The following KLHL29 variants were observed in gnomAD, a reference collection of about 807,000 sequenced individuals.
KLHL29 encodes kelch-like protein 29.
A neutral mutation model predicts 80.4 loss-of-function variants in KLHL29; 21 were observed. That is an observed-to-expected ratio of 0.26 (90% CI 0.19 to 0.38). KLHL29 has a LOEUF of 0.38. Among genes scored for constraint, KLHL29 ranks in the 10% least tolerant of loss-of-function variants. The pLI is 1.00. For synonymous variants in KLHL29, 511 were observed against 526.8 expected (o/e 0.97, Z 0.41); for missense variants, 867 against 1,223.9 (o/e 0.71, Z 4.35).
chr2:23,618,272 A>G (rs1282089537), intron 3 of KLHL29, among the ~76,000 whole-genome samples: 1 of 152,194 alleles, frequency 6.6e-6, no homozygotes, highest in Non-Finnish European at 1.5e-5. Context: ...ATGGTGGGAC[A>G]GTGAATTTTA....
chr2:23,467,855 G>A (rs146910254), intron 1 of KLHL29, among the ~76,000 whole-genome samples: 21 of 152,130 alleles, frequency 1.4e-4, no homozygotes, highest in African/African-American at 5.1e-4. Flanking sequence ...TCTTGCACAC[G>A]TGATCAGCCC....
intron 3 of KLHL29, among the ~76,000 whole-genome samples, chr2:23,589,380 C>T (rs114210944): frequency 9.5e-4 from 144 of 152,348 alleles, no homozygotes; most frequent in African/African-American, 3.4e-3. Context: ...ATTAATAGGG[C>T]GGCCTGGGTG....
chr2:23,514,152 G>T (rs1331084569), intron 2 of KLHL29, among the ~76,000 whole-genome samples: 4 of 152,214 alleles, frequency 2.6e-5, no homozygotes, highest in East Asian at 1.9e-4. Flanking sequence ...CGTAGGCAGG[G>T]TTTGTAAGGG....
intron 3 of KLHL29, among the ~76,000 whole-genome samples, chr2:23,603,868 G>A (rs748274198): frequency 1.3e-5 from 2 of 152,224 alleles, no homozygotes; most frequent in Non-Finnish European, 2.9e-5. Context: ...CAGCTCTTAC[G>A]GGGTCCCCAC....
intron 2 of KLHL29, among the ~76,000 whole-genome samples, chr2:23,486,749 T>C (rs1664941042): frequency 6.6e-6 from 1 of 152,178 alleles, no homozygotes; most frequent in Non-Finnish European, 1.5e-5. Context: ...GGAGGGCAGC[T>C]CCCTGCTCAC....
rs1041569783 is a variant in KLHL29 at position 23,503,936 on chromosome 2, G to T, written c.-46+28269G>T. ...TTCCCTCCTCCACTAGGAGCCTCTG[G>T]TTCCAGCCCAGATGAACCCACTGGG... On this transcript the variant is annotated intron_variant, in intron 2 of 13. Coordinates refer to ENST00000486442, the MANE Select transcript of KLHL29 (RefSeq NM_052920.2). The surrounding 1 kb of genome is among the most constrained non-coding windows in gnomAD (Gnocchi z 4.0). Among the ~76,000 whole-genome samples, 7 of 152,148 alleles carry T rather than the reference G, an allele frequency of 4.6e-5. No homozygotes were observed. The highest frequency in any genetic ancestry group is 1.7e-4 in the African/African-American group (7 of 41,440).
chr2:23,684,607 C>T lies in KLHL29; in HGVS notation c.1079+70C>T. The T allele has an allele frequency of 7.2e-7, 1 of 1,385,610 alleles. No homozygotes were observed. The highest frequency in any genetic ancestry group is 9.6e-7 in the Non-Finnish European group (1 of 1,037,298). The allele number at this position is 1,385,610 out of a possible 1,614,324, so 85.8% of individuals were successfully genotyped here. A position where few individuals can be genotyped will look rare whatever the true frequency, so the allele number is the denominator to read the frequency against. ...ACGCTTTTGTGTCGCTTTTCTCTTC[C>T]CCTCTCTTGCAGGTTCCTGAAGCGT... On this transcript the variant is annotated intron_variant, in intron 6 of 13. Coordinates refer to ENST00000486442, the MANE Select transcript of KLHL29 (RefSeq NM_052920.2). The surrounding 1 kb of genome is among the most constrained non-coding windows in gnomAD (Gnocchi z 4.4).
chr2:23,485,276 C>G (rs1398446654), intron 2 of KLHL29, among the ~76,000 whole-genome samples: 2 of 152,226 alleles, frequency 1.3e-5, no homozygotes, highest in Non-Finnish European at 2.9e-5. Context: ...GGGACTGTCT[C>G]AGTCAGTGTG....
At position 23,562,249 on chromosome 2, in the gene KLHL29, G is replaced by A. The variant is rs773607284; in HGVS notation, c.53G>A (p.Arg18His). ...AGAGATTACCGGGTGGGCTGGGACC[G>A]CCGCGAATGGAGCGTCAACGGGACG... ...FERDYRVGWDRREWSVNGTHG... is the reference protein window; with the variant it reads ...FERDYRVGWDHREWSVNGTHG... Residue 18 changes from arginine to histidine, a missense_variant, in exon 3 of 14, where the codon CGC (arginine) becomes CAC (histidine). Physicochemically the swap from Arg to His is conservative, Grantham distance 29 (BLOSUM62 0). Coordinates refer to ENST00000486442, the MANE Select transcript of KLHL29 (RefSeq NM_052920.2). This position sits in a 1 kb window ranked among gnomAD's most constrained non-coding sequence, Gnocchi z 4.5. The A allele has an allele frequency of 5.0e-5, 77 of 1,550,318 alleles. No individual in the cohort carries two copies. The highest frequency in any genetic ancestry group is 1.7e-4 in the Middle Eastern group (1 of 5,988).
intron 3 of KLHL29, among the ~76,000 whole-genome samples, chr2:23,629,950 G>A (rs183437014): frequency 3.9e-5 from 6 of 152,314 alleles, no homozygotes; most frequent in East Asian, 1.9e-4. Context: ...GGGAGGAGGC[G>A]CTGGGAAGAG....
At chr2:23,499,854 G>T (rs967073798) in intron 2 of KLHL29, among the ~76,000 whole-genome samples, 2 of 152,236 alleles carry the variant, frequency 1.3e-5, no homozygotes, top group African/African-American at 4.8e-5. Context: ...TATTTGAGGC[G>T]CATTCTCTAG....
At chr2:23,638,870 C>T (rs12468808) in intron 3 of KLHL29, among the ~76,000 whole-genome samples, 14,412 of 152,138 alleles carry the variant, frequency 0.095, 1,681 homozygotes, top group East Asian at 0.45. Context: ...TGAGTGGCCA[C>T]GGAGGGTGAC....
chr2:23,695,392 T>C lies in KLHL29; in HGVS notation c.1543-231T>C, dbSNP rs553594641. Among the ~76,000 whole-genome samples, 1 of 152,218 alleles carries C rather than the reference T, an allele frequency of 6.6e-6. No individual in the cohort carries two copies. The highest frequency in any genetic ancestry group is 1.9e-4 in the East Asian group (1 of 5,170). On this transcript the variant is annotated intron_variant, in intron 8 of 13. Coordinates refer to ENST00000486442, the MANE Select transcript of KLHL29 (RefSeq NM_052920.2). The surrounding 1 kb of genome is among the most constrained non-coding windows in gnomAD (Gnocchi z 7.6). ...ATGCTCCCACTCCTGCAGGGCTGGC[T>C]GCAGCCTGCCAGCCTCCCCTCCGCA... is the stretch of plus-strand genomic sequence containing the variant.
At chr2:23,687,506 AACAC>A (rs1671319563) in intron 6 of KLHL29, among the ~76,000 whole-genome samples, 1 of 152,194 alleles carries the variant, frequency 6.6e-6, no homozygotes, top group Non-Finnish European at 1.5e-5. Flanking sequence ...TCACTCAGCA[AACAC>A]ACAGGAGCCC....
At chr2:23,585,101 A>G (rs1428730492) in intron 3 of KLHL29, among the ~76,000 whole-genome samples, 1 of 152,254 alleles carries the variant, frequency 6.6e-6, no homozygotes, top group Non-Finnish European at 1.5e-5. Context: ...CCCCAAGAGC[A>G]GGAAACGGCT....
intron 2 of KLHL29, among the ~76,000 whole-genome samples, chr2:23,493,521 A>T (rs1665166364): frequency 6.6e-6 from 1 of 152,242 alleles, no homozygotes; most frequent in South Asian, 2.1e-4. Flanking sequence ...TAAAGCAGTG[A>T]ATACATTTAT....
At chr2:23,540,684 G>C (rs1038085071) in intron 2 of KLHL29, among the ~76,000 whole-genome samples, 1 of 152,202 alleles carries the variant, frequency 6.6e-6, no homozygotes, top group Non-Finnish European at 1.5e-5. Context: ...TCTTGTAATG[G>C]AGAGGCACAA....
chr2:23,422,501 CTG>C (rs1662847273), intron 1 of KLHL29, among the ~76,000 whole-genome samples: 1 of 146,492 alleles, frequency 6.8e-6, no homozygotes, highest in South Asian at 2.2e-4. Flanking sequence ...GTGTCTGCCT[CTG>C]TGTGTTATGT....
chr2:23,420,041 C>T (rs1195852190), intron 1 of KLHL29, among the ~76,000 whole-genome samples: 1 of 152,162 alleles, frequency 6.6e-6, no homozygotes, highest in Non-Finnish European at 1.5e-5. Flanking sequence ...ACATGGTTTC[C>T]CCACACACGG....
Sources: gnomAD v4.1 joint callset for allele counts (sites outside exome capture counted in the v4.1 genomes callset) on GRCh38, gnomAD v4.1.1 for gene constraint, Gnocchi (gnomAD v3.1) non-coding constraint, MANE v1.5 for transcripts, NCBI Gene and HGNC (gene_info 2026-07-23, HGNC 2026-07-21) for gene names.